The following EPHB6 variants were observed in gnomAD, a reference collection of about 807,000 sequenced individuals.
The protein encoded by EPHB6 is EPH receptor B6.
In EPHB6, 51 loss-of-function variants were observed where a neutral mutation model predicts 107.0. The ratio of observed to expected loss-of-function variants is 0.48; its 90% CI spans 0.38 to 0.60. EPHB6 has a LOEUF of 0.60. EPHB6 is among the 20% of genes least tolerant of loss of function. The probability of loss-of-function intolerance (pLI) is 0.00; values close to 1 mark genes in which losing one functional copy is unlikely to be tolerated. For missense variants in EPHB6, 1,141 were observed against 1,355.5 expected (o/e 0.84, Z 2.48); for synonymous variants, 553 against 549.0 (o/e 1.01, Z -0.10).
chr7:142,865,603 T>A lies in EPHB6; in HGVS notation c.1078T>A (p.Ser360Thr). 6.2e-7 allele frequency: 1 copy of A among 1,613,698 alleles called. No individual in the cohort carries two copies. Among genetic ancestry groups the A allele is most frequent in the Non-Finnish European group, 8.5e-7 (1 of 1,180,000 alleles). ...PCLEGFYRAS[S>T]DPPEAPCTGP... Reference sequence around the variant, plus strand: ...CCTGGAGGGCTTCTACCGGGCCAGTTCCGACCCACCAGAGGCCCCCTGCAC... The same window carrying A: ...CCTGGAGGGCTTCTACCGGGCCAGTACCGACCCACCAGAGGCCCCCTGCAC... The change falls in exon 8 of 20, where the codon TCC becomes ACC. Residue 360 changes from serine (S) to threonine (T), a missense_variant. Ser to Thr is a moderately conservative substitution (Grantham distance 58). Around this residue, in one of 3 missense-constraint regions of EPHB6, gnomAD observed 304 missense variants for 295.7 expected, o/e 1.03. Coordinates refer to ENST00000652003, the MANE Select transcript of EPHB6 (RefSeq NM_004445.6).
chr7:142,864,098 G>T lies in EPHB6; in HGVS notation c.298G>T (p.Ala100Ser). 3 of 1,614,010 alleles carry T rather than the reference G, an allele frequency of 1.9e-6. No individual in the cohort carries two copies. The highest frequency in any genetic ancestry group is 2.5e-6 in the Non-Finnish European group (3 of 1,180,044). Residue 100 changes from alanine (A) to serine (S), a missense_variant, in exon 7 of 20, where the codon GCC (alanine) becomes TCC (serine). This residue lies in a region of EPHB6 where 221 missense variants were observed against 300.5 expected (regional missense o/e 0.74). Transcript: ENST00000652003. ...LQTHFVERRG[A>S]QRAHIRLHFS... ...GACACACTTTGTGGAGCGGCGCGGG[G>T]CCCAGAGGGCGCACATTCGACTCCA...
intron 3 of EPHB6, 68 bp downstream of exon 3, chr7:142,862,201 C>G (rs547455928): frequency 6.6e-6 from 1 of 152,158 alleles, no homozygotes; most frequent in Non-Finnish European, 1.5e-5. Context: ...GCTCCACCCT[C>G]ATGACCTAAA....
chr7:142,859,852 G>A (rs1044555068), intron 1 of EPHB6, among the ~76,000 whole-genome samples: 9 of 152,146 alleles, frequency 5.9e-5, no homozygotes, highest in Admixed American at 3.3e-4. Flanking sequence ...TTTCTTGATG[G>A]CAGAAGCTGA....
chr7:142,869,177 G>T lies in EPHB6; in HGVS notation c.2460+30G>T. ...GAGCACAGCCTTGGGGACACAGCCT[G>T]GGGCCTTGTGGCATGCCCCAGCAGG... On this transcript the variant is annotated intron_variant, in intron 16 of 19. Transcript: ENST00000652003. This position sits in a 1 kb window ranked among gnomAD's most constrained non-coding sequence, Gnocchi z 4.5. 1 of 1,604,570 alleles carries T rather than the reference G, an allele frequency of 6.2e-7. No individual in the cohort carries two copies.
rs750598950 is a variant in EPHB6, at chr7:142,863,196, T to C, written c.-32T>C. Reference sequence around the variant, plus strand: ...CCCCACCCAGGAGCAGGGTGGTGGCTGGGGCGATGGTGGACGCCCTGAAGA... The same window carrying C: ...CCCCACCCAGGAGCAGGGTGGTGGCCGGGGCGATGGTGGACGCCCTGAAGA... On this transcript the variant is annotated 5_prime_UTR_variant, in exon 5 of 20. Transcript: ENST00000652003. 6.3e-7 allele frequency: 1 copy of C among 1,599,012 alleles called. No homozygotes were observed. The highest frequency in any genetic ancestry group is 8.6e-7 in the Non-Finnish European group (1 of 1,166,704).
rs1283580548 is a variant in EPHB6 at position 142,855,782 on chromosome 7, C to T, written c.-432+397C>T. 2.6e-5 allele frequency among the ~76,000 whole-genome samples: 4 copies of T among 152,176 alleles called. No homozygotes were observed. The highest frequency in any genetic ancestry group is 5.9e-5 in the Non-Finnish European group (4 of 68,012). The stretch of plus-strand genomic sequence containing the variant: ...TGGCATCACTCCAATCCCCTTGGAG[C>T]TGGGAGGAGTCAGGAGGCTGACCAC... On this transcript the variant is annotated intron_variant, in intron 1 of 19. Coordinates refer to ENST00000652003, the MANE Select transcript of EPHB6 (RefSeq NM_004445.6). The surrounding 1 kb of genome is among the most constrained non-coding windows in gnomAD (Gnocchi z 4.2).
chr7:142,866,418 C>G lies in EPHB6; in HGVS notation c.1463-63C>G. 2 of 1,612,992 alleles carry G rather than the reference C, an allele frequency of 1.2e-6. No individual in the cohort carries two copies. The highest frequency in any genetic ancestry group is 1.7e-6 in the Non-Finnish European group (2 of 1,179,940). On this transcript the variant is annotated intron_variant, in intron 9 of 19. Transcript: ENST00000652003. The surrounding 1 kb of genome is among the most constrained non-coding windows in gnomAD (Gnocchi z 5.2). Reference sequence around the variant, plus strand: ...CCTGGTCCACCCCTGCCGCCCTCCCCTCAAGGCTGATCCTGCTCCCAGGGA... The same window carrying G: ...CCTGGTCCACCCCTGCCGCCCTCCCGTCAAGGCTGATCCTGCTCCCAGGGA...
Position 142,865,575 on chromosome 7 carries a change from C to T in EPHB6, c.1050C>T (p.Pro350=), listed in dbSNP as rs768179329. The part of the protein sequence containing the change: ...HAPNPAAPVC[P]CLEGFYRASS... ...CCAACCCAGCAGCCCCCGTTTGCCC[C>T]TGCCTGGAGGGCTTCTACCGGGCCA... The change falls in exon 8 of 20, where the codon CCC becomes CCT. Residue 350 remains proline, a synonymous_variant. Coordinates refer to ENST00000652003, the MANE Select transcript of EPHB6 (RefSeq NM_004445.6). The T allele has an allele frequency of 1.2e-6, 2 of 1,613,828 alleles. No homozygotes were observed. Among genetic ancestry groups the T allele is most frequent in the Non-Finnish European group, 1.7e-6 (2 of 1,179,998 alleles).
At position 142,867,835 on chromosome 7, in the gene EPHB6, G is replaced by A. The variant is rs553708985; in HGVS notation, c.1865+113G>A. The A allele has an allele frequency of 7.1e-4, 1,015 of 1,426,898 alleles. 1 individual carries two copies. Among genetic ancestry groups the A allele is most frequent in the Non-Finnish European group, 9.1e-4 (940 of 1,037,370 alleles). The allele number at this position is 1,426,898 out of a possible 1,614,324, so 88.4% of individuals were successfully genotyped here. A position where few individuals can be genotyped will look rare whatever the true frequency, so the allele number is the denominator to read the frequency against. On this transcript the variant is annotated intron_variant, in intron 12 of 19. Coordinates refer to ENST00000652003, the MANE Select transcript of EPHB6 (RefSeq NM_004445.6). This position sits in a 1 kb window ranked among gnomAD's most constrained non-coding sequence, Gnocchi z 5.3. Reference sequence around the variant, plus strand: ...GAAACCTCACACTGGTGCTCCTCCCGTCAGCCAGCCCCTGCCCTGGGCCCC... The same window carrying A: ...GAAACCTCACACTGGTGCTCCTCCCATCAGCCAGCCCCTGCCCTGGGCCCC...
chr7:142,865,961 T>C lies in EPHB6; in HGVS notation c.1107T>C (p.Gly369=), dbSNP rs1420351606. The C allele has an allele frequency of 6.2e-7, 1 of 1,613,676 alleles. No individual in the cohort carries two copies. The highest frequency in any genetic ancestry group is 8.5e-7 in the Non-Finnish European group (1 of 1,180,002). The change falls in exon 9 of 20, where the codon GGT becomes GGC. Residue 369 remains glycine (G), a splice_region_variant and synonymous_variant. Transcript: ENST00000652003. ...SSDPPEAPCT[G]PPSAPQELWF... ...CTGCCATATCCTCCGGCCCCCCAGG[T>C]CCTCCATCGGCTCCCCAGGAGCTTT... is the stretch of plus-strand genomic sequence containing the variant.
rs1403094410 is a variant in EPHB6, at chr7:142,869,352, A to AT, written c.2460+206dup. 1.3e-5 allele frequency among the ~76,000 whole-genome samples: 2 copies of AT among 152,094 alleles called. No homozygotes were observed. Among genetic ancestry groups the AT allele is most frequent in the East Asian group, 3.9e-4 (2 of 5,176 alleles). Reference sequence around the variant, plus strand: ...GATTTCAGGGACCGAGACAAAGGGGATGAGGGAGGGGAGGAGACCTGCAAC... The same window carrying AT: ...GATTTCAGGGACCGAGACAAAGGGGATTGAGGGAGGGGAGGAGACCTGCAAC... On this transcript the variant is annotated intron_variant, in intron 16 of 19. Transcript: ENST00000652003. The surrounding 1 kb of genome is among the most constrained non-coding windows in gnomAD (Gnocchi z 4.5).
Position 142,866,745 on chromosome 7 carries a change from AG to A in EPHB6, c.1587+144del. 2 of 1,576,894 alleles carry A rather than the reference AG, an allele frequency of 1.3e-6. No homozygotes were observed. Among genetic ancestry groups the A allele is most frequent in the Non-Finnish European group, 1.7e-6 (2 of 1,151,670 alleles). On this transcript the variant is annotated intron_variant, in intron 10 of 19. Coordinates refer to ENST00000652003, the MANE Select transcript of EPHB6 (RefSeq NM_004445.6). The surrounding 1 kb of genome is among the most constrained non-coding windows in gnomAD (Gnocchi z 5.2). ...GGCAGGAGCTCACAGTCCCCACAGT[AG>A]GGGCCAGAGGCTGAATGGGCAAGGA...
At position 142,868,863 on chromosome 7, in the gene EPHB6, A is replaced by G; in HGVS notation, c.2287-111A>G. 1.9e-6 allele frequency: 3 copies of G among 1,594,126 alleles called. No homozygotes were observed. The highest frequency in any genetic ancestry group is 2.6e-6 in the Non-Finnish European group (3 of 1,171,952). ...TGGTCTCCGTCCTTCCTTCCCAGCC[A>G]TTTTCTGATTCGACACCCTCCCGCT... On this transcript the variant is annotated intron_variant, in intron 15 of 19. Coordinates refer to ENST00000652003, the MANE Select transcript of EPHB6 (RefSeq NM_004445.6). This position sits in a 1 kb window ranked among gnomAD's most constrained non-coding sequence, Gnocchi z 4.2.
chr7:142,868,501 G>A lies in EPHB6; in HGVS notation c.2048G>A (p.Gly683Glu), dbSNP rs372039701. ...ACACCTATTTTCCCAGGCTCTTTTGGAGAAGTGCGCCAGGGCCGCCTGCAG... is the reference window on the plus strand; with the variant it reads ...ACACCTATTTTCCCAGGCTCTTTTGAAGAAGTGCGCCAGGGCCGCCTGCAG... The part of the protein sequence containing the change: ...IEEVIGTGSF[G>E]EVRQGRLQPR... Residue 683 changes from glycine (G) to glutamate (E), a missense_variant, in exon 15 of 20, where the codon GGA becomes GAA. Gly to Glu is a moderately conservative substitution (Grantham distance 98). Around this residue, in one of 3 missense-constraint regions of EPHB6, gnomAD observed 616 missense variants for 759.3 expected, o/e 0.81. Coordinates refer to ENST00000652003, the MANE Select transcript of EPHB6 (RefSeq NM_004445.6). This position sits in a 1 kb window ranked among gnomAD's most constrained non-coding sequence, Gnocchi z 4.2. 2 of 1,613,846 alleles carry A rather than the reference G, an allele frequency of 1.2e-6. No individual in the cohort carries two copies. The highest frequency in any genetic ancestry group is 1.3e-5 in the African/African-American group (1 of 74,938).
chr7:142,867,716 T>A lies in EPHB6; in HGVS notation c.1859T>A (p.Phe620Tyr). ...GCCATCACCGTGCTGGCGGTCGTCTTCCAGCGGTGAGTCCCCACCCCTGCC... is the reference window on the plus strand; with the variant it reads ...GCCATCACCGTGCTGGCGGTCGTCTACCAGCGGTGAGTCCCCACCCCTGCC... ...LAAITVLAVV[F>Y]QRKRRGTGYT... is the part of the protein sequence containing the mutation. Residue 620 changes from phenylalanine to tyrosine, a missense_variant, in exon 12 of 20, where the codon TTC becomes TAC. Physicochemically the swap from Phe to Tyr is conservative, Grantham distance 22 (BLOSUM62 3). Around this residue, in one of 3 missense-constraint regions of EPHB6, gnomAD observed 616 missense variants for 759.3 expected, o/e 0.81. Coordinates refer to ENST00000652003, the MANE Select transcript of EPHB6 (RefSeq NM_004445.6). This position sits in a 1 kb window ranked among gnomAD's most constrained non-coding sequence, Gnocchi z 5.3. 1 of 1,610,738 alleles carries A rather than the reference T, an allele frequency of 6.2e-7. No individual in the cohort carries two copies. Among genetic ancestry groups the A allele is most frequent in the Non-Finnish European group, 8.5e-7 (1 of 1,179,194 alleles).
chr7:142,867,832 C>T lies in EPHB6; in HGVS notation c.1865+110C>T. 1 of 1,421,400 alleles carries T rather than the reference C, an allele frequency of 7.0e-7. No individual in the cohort carries two copies. The highest frequency in any genetic ancestry group is 9.7e-7 in the Non-Finnish European group (1 of 1,032,394). 88.0% of individuals were successfully genotyped at this position (1,421,400 alleles called of 1,614,324 possible). Reference sequence around the variant, plus strand: ...GCAGAAACCTCACACTGGTGCTCCTCCCGTCAGCCAGCCCCTGCCCTGGGC... The same window carrying T: ...GCAGAAACCTCACACTGGTGCTCCTTCCGTCAGCCAGCCCCTGCCCTGGGC... On this transcript the variant is annotated intron_variant, in intron 12 of 19. Transcript: ENST00000652003. This position sits in a 1 kb window ranked among gnomAD's most constrained non-coding sequence, Gnocchi z 5.3.
rs1802819937 is a variant in EPHB6, at chr7:142,861,092, A to G, written c.-391A>G. 1 of 152,038 alleles carries G rather than the reference A, an allele frequency of 6.6e-6. No individual in the cohort carries two copies. Among genetic ancestry groups the G allele is most frequent in the African/African-American group, 2.4e-5 (1 of 41,382 alleles). The allele number at this position is 152,038 out of a possible 1,614,324, so 9.4% of individuals were successfully genotyped here. On this transcript the variant is annotated 5_prime_UTR_variant, in exon 2 of 20. Transcript: ENST00000652003. ...AGTCCACCCAATTCACAGACTTCTG[A>G]GACTCAGACACGAGGAGAGATAGAG...
In EPHB6 at chr7:142,867,503, G is replaced by A. The variant is rs1053924101; in HGVS notation, c.1751-105G>A. 2.4e-5 allele frequency: 22 copies of A among 925,466 alleles called. No homozygotes were observed. Among genetic ancestry groups the A allele is most frequent in the Non-Finnish European group, 3.4e-5 (20 of 585,070 alleles). 57.3% of individuals were successfully genotyped at this position (925,466 alleles called of 1,614,324 possible). A position where few individuals can be genotyped will look rare whatever the true frequency, so the allele number is the denominator to read the frequency against. On this transcript the variant is annotated intron_variant, in intron 11 of 19. Coordinates refer to ENST00000652003, the MANE Select transcript of EPHB6 (RefSeq NM_004445.6). This position sits in a 1 kb window ranked among gnomAD's most constrained non-coding sequence, Gnocchi z 5.3. Reference sequence around the variant, plus strand: ...TGGATGTGGGAGGTTTGGGGCATGCGCGTGCATGTTGTGTGTGCCTGTGGT... The same window carrying A: ...TGGATGTGGGAGGTTTGGGGCATGCACGTGCATGTTGTGTGTGCCTGTGGT...
At chr7:142,859,666 T>C (rs1250980842) in intron 1 of EPHB6, among the ~76,000 whole-genome samples, 1 of 152,222 alleles carries the variant, frequency 6.6e-6, no homozygotes, top group Non-Finnish European at 1.5e-5. Context: ...CCTTCAGTCA[T>C]CTGGATCTGA....
Sources: gnomAD v4.1 joint callset for allele counts (sites outside exome capture counted in the v4.1 genomes callset) on GRCh38, gnomAD v4.1.1 for gene constraint, gnomAD v4.1.1 regional missense constraint, Gnocchi (gnomAD v3.1) non-coding constraint, MANE v1.5 for transcripts, NCBI Gene and HGNC (gene_info 2026-07-23, HGNC 2026-07-21) for gene names.